UGGT1: variants seen among roughly 807,000 people sequenced by gnomAD.
The protein encoded by UGGT1 is UDP-glucose glycoprotein glucosyltransferase 1.
A neutral mutation model predicts 203.9 loss-of-function variants in UGGT1; 107 were observed. That is an observed-to-expected ratio of 0.52 (90% CI 0.45 to 0.62). The LOEUF (loss-of-function observed/expected upper bound fraction) is 0.62. Ranked by LOEUF, UGGT1 falls within the 20% of genes least tolerant of loss-of-function variation. The pLI, the probability that UGGT1 is intolerant of heterozygous loss-of-function variation, is 0.00. For synonymous variants in UGGT1, 628 were observed against 653.5 expected (o/e 0.96, Z 0.59); for missense variants, 1,673 against 1,867.2 (o/e 0.90, Z 1.92).
intron 18 of UGGT1, among the ~76,000 whole-genome samples, chr2:128,147,018 T>C (rs759558955): frequency 1.3e-5 from 2 of 152,176 alleles, no homozygotes; most frequent in East Asian, 3.8e-4. Context: ...CCACCATGTG[T>C]GTCCTAAGGG....
In UGGT1 at chr2:128,168,546, G is replaced by A. The variant is rs115608955; in HGVS notation, c.2922-1742G>A. On this transcript the variant is annotated intron_variant, in intron 26 of 40. Transcript: ENST00000259253. ...AAAAAAAAAGTAAAAGTAGTGGTTA[G>A]TATTGTAACCACATTATAGTATTGT... Among the ~76,000 whole-genome samples the A allele has an allele frequency of 2.1e-3, 322 of 152,324 alleles. 2 individuals carry two copies. The highest frequency in any genetic ancestry group is 7.5e-3 in the African/African-American group (310 of 41,578).
In UGGT1 at chr2:128,179,103, C is replaced by T. The variant is rs60193413; in HGVS notation, c.3815+534C>T. Reference sequence around the variant, plus strand: ...ATGTAGTGGTCACCAGAGGCACTGTCAGGAAGGCCTGAGAGTCACTTTTCT... The same window carrying T: ...ATGTAGTGGTCACCAGAGGCACTGTTAGGAAGGCCTGAGAGTCACTTTTCT... On this transcript the variant is annotated intron_variant, in intron 34 of 40. Transcript: ENST00000259253. Among the ~76,000 whole-genome samples, 624 of 152,094 alleles carry T rather than the reference C, an allele frequency of 4.1e-3. 6 individuals are homozygous for T. Among genetic ancestry groups the T allele is most frequent in the African/African-American group, 0.013 (546 of 41,506 alleles).
chr2:128,155,453 G>A, intron 19 of UGGT1, 36 bp from the exon 20 acceptor site: 1 of 1,467,282 alleles, frequency 6.8e-7, no homozygotes, highest in Non-Finnish European at 9.5e-7. Context: ...AGATTGAACT[G>A]GAACTAATAT....
Position 128,112,454 on chromosome 2 carries a change from T to TTATACATATATATATATATATATA in UGGT1, c.522-626_522-625insCATATATATATATATATATATATA, listed in dbSNP as rs1553433489. ...AAAAAACCCCCCAAAAAATACTATG[T>TTATACATATATATATATATATATA]TATATATATATATATATATTACATA... On this transcript the variant is annotated intron_variant, in intron 5 of 40. Transcript: ENST00000259253. 3.6e-5 allele frequency among the ~76,000 whole-genome samples: 2 copies of TTATACATATATATATATATATATA among 55,810 alleles called. 1 individual carries two copies. The highest frequency in any genetic ancestry group is 7.5e-5 in the Non-Finnish European group (2 of 26,610). The allele number at this position is 55,810 out of a possible 152,430, so 36.6% of individuals were successfully genotyped here. A position where few individuals can be genotyped will look rare whatever the true frequency, so the allele number is the denominator to read the frequency against.
rs867747976 is a variant in UGGT1, at chr2:128,112,434, A to C, written c.522-650A>C. Among the ~76,000 whole-genome samples the C allele has an allele frequency of 2.5e-4, 28 of 113,938 alleles. 1 individual carries two copies. The highest frequency in any genetic ancestry group is 4.1e-3 in the Middle Eastern group (1 of 244). 74.7% of individuals were successfully genotyped at this position (113,938 alleles called of 152,430 possible). Reference sequence around the variant, plus strand: ...AAACTCCATCTCCAAAAAAAAAAAAACCCCCCAAAAAATACTATGTTATAT... The same window carrying C: ...AAACTCCATCTCCAAAAAAAAAAAACCCCCCCAAAAAATACTATGTTATAT... On this transcript the variant is annotated intron_variant, in intron 5 of 40. Transcript: ENST00000259253.
At chr2:128,136,220 T>TAG (rs1386297207) in intron 15 of UGGT1, among the ~76,000 whole-genome samples, 99 of 152,330 alleles carry the variant, frequency 6.5e-4, no homozygotes, top group African/African-American at 2.2e-3. Context: ...TATTGATACA[T>TAG]TATTATTAAC....
chr2:128,179,679 T>G, intron 34 of UGGT1, 107 bp from the exon 35 acceptor site: 1 of 891,672 alleles, frequency 1.1e-6, no homozygotes, highest in Non-Finnish European at 1.7e-6. Context: ...AGCCATTAGT[T>G]AGCTCTGCCG....
intron 18 of UGGT1, among the ~76,000 whole-genome samples, chr2:128,148,665 G>A (rs536125283): frequency 1.3e-5 from 2 of 152,122 alleles, no homozygotes; most frequent in South Asian, 2.1e-4. Context: ...GGGCATTCAC[G>A]TACCCCTGGG....
At position 128,187,003 on chromosome 2, in the gene UGGT1, G is replaced by T. The variant is rs566450599; in HGVS notation, c.4476+204G>T. Among the ~76,000 whole-genome samples, 10 of 152,064 alleles carry T rather than the reference G, an allele frequency of 6.6e-5. No individual in the cohort carries two copies. The East Asian group carries it at 1.9e-3, about 29-fold the overall frequency. On this transcript the variant is annotated intron_variant, in intron 39 of 40. Coordinates refer to ENST00000259253, the MANE Select transcript of UGGT1 (RefSeq NM_020120.4). ...ATTCTTATCTTATAGAATTAGTATC[G>T]TTTGTTGTATAGTAAGCATAAGTAT...
At chr2:128,095,048 C>G (rs1322099829) in intron 1 of UGGT1, among the ~76,000 whole-genome samples, 1 of 152,110 alleles carries the variant, frequency 6.6e-6, no homozygotes, top group Admixed American at 6.5e-5. Flanking sequence ...TGCGCTGGGC[C>G]AGTCCCAAGA....
rs75123065 is a variant in UGGT1 at position 128,164,663 on chromosome 2, T to C, written c.2826-67T>C. ...GAATTCAGTATTTGGGCTGATGATATGTTTGGCAATAATTGGAAAACTTTC... is the reference window on the plus strand; with the variant it reads ...GAATTCAGTATTTGGGCTGATGATACGTTTGGCAATAATTGGAAAACTTTC... On this transcript the variant is annotated intron_variant, in intron 25 of 40. Transcript: ENST00000259253. 1.8e-3 allele frequency: 2,327 copies of C among 1,319,230 alleles called. 49 individuals carry two copies. The East Asian group carries it at 0.036, about 20-fold the overall frequency. The allele number at this position is 1,319,230 out of a possible 1,614,324, so 81.7% of individuals were successfully genotyped here.
Position 128,113,210 on chromosome 2 carries a change from A to T in UGGT1, c.648A>T (p.Ser216=). 6.2e-7 allele frequency: 1 copy of T among 1,612,804 alleles called. No homozygotes were observed. ...CCAATTTTCACCGCCAGCTTATATC[A>T]AAAAGCAATGCAGGCAAAATCAATT... ...EFSNFHRQLI[S]KSNAGKINYV... Residue 216 remains serine (S), a synonymous_variant, in exon 6 of 41, where the codon TCA becomes TCT. Coordinates refer to ENST00000259253, the MANE Select transcript of UGGT1 (RefSeq NM_020120.4).
chr2:128,183,906 C>A lies in UGGT1; in HGVS notation c.4359+117C>A, dbSNP rs1691836897. 1.7e-5 allele frequency: 9 copies of A among 525,294 alleles called. No homozygotes were observed. The South Asian group carries it at 2.0e-4, about 11-fold the overall frequency. The allele number at this position is 525,294 out of a possible 1,614,324, so 32.5% of individuals were successfully genotyped here. A position where few individuals can be genotyped will look rare whatever the true frequency, so the allele number is the denominator to read the frequency against. ...CTCACAGGATGGCGTCTTGTTTTTT[C>A]ATGGTGTGTGTGTGTGTGTGTGTGT... On this transcript the variant is annotated intron_variant, in intron 38 of 40. Transcript: ENST00000259253.
Position 128,129,095 on chromosome 2 carries a change from C to A in UGGT1, c.1293C>A (p.Gly431=). The A allele has an allele frequency of 6.2e-7, 1 of 1,613,914 alleles. No individual in the cohort carries two copies. Among genetic ancestry groups the A allele is most frequent in the Non-Finnish European group, 8.5e-7 (1 of 1,179,952 alleles). The change falls in exon 13 of 41, where the codon GGC becomes GGA. Residue 431 remains glycine, a synonymous_variant. Transcript: ENST00000259253. ...MEGLHRLGIE[G]LSLHNVLKLN... ...GTCTGCATAGATTGGGAATAGAAGG[C>A]CTTTCTCTGCATAATGTTTTGAAGC...
chr2:128,178,029 CT>C (rs1691484560), intron 33 of UGGT1, 109 bp downstream of exon 33: 1 of 881,216 alleles, frequency 1.1e-6, no homozygotes, highest in African/African-American at 1.7e-5. Flanking sequence ...TCACATTCTA[CT>C]TTGTGCAGCT....
chr2:128,121,065 C>T (rs1452527729), intron 9 of UGGT1, 134 bp from the exon 10 acceptor site: 8 of 777,842 alleles, frequency 1.0e-5, no homozygotes, highest in Non-Finnish European at 1.5e-5. Flanking sequence ...AAATCATGGG[C>T]ACTCTCTGGA....
rs183784358 is a variant in UGGT1 at position 128,185,493 on chromosome 2, A to G, written c.4360-1190A>G. Reference sequence around the variant, plus strand: ...CCTTTTTTTTTTTTTTTTTTTTTTTAGACAAGGTCTCACTCTGTCACCCAG... The same window carrying G: ...CCTTTTTTTTTTTTTTTTTTTTTTTGGACAAGGTCTCACTCTGTCACCCAG... On this transcript the variant is annotated intron_variant, in intron 38 of 40. Transcript: ENST00000259253. Among the ~76,000 whole-genome samples the G allele has an allele frequency of 7.8e-3, 471 of 60,274 alleles. 2 individuals are homozygous for G. The highest frequency in any genetic ancestry group is 0.046 in the African/African-American group (447 of 9,812). The allele number at this position is 60,274 out of a possible 152,430, so 39.5% of individuals were successfully genotyped here.
chr2:128,176,906 T>C lies in UGGT1; in HGVS notation c.3624+8T>C. 6.2e-7 allele frequency: 1 copy of C among 1,612,958 alleles called. No individual in the cohort carries two copies. Among genetic ancestry groups the C allele is most frequent in the Non-Finnish European group, 8.5e-7 (1 of 1,178,984 alleles). On this transcript the variant is annotated splice_region_variant and intron_variant, in intron 32 of 40. Coordinates refer to ENST00000259253, the MANE Select transcript of UGGT1 (RefSeq NM_020120.4). Reference sequence around the variant, plus strand: ...AAAATTATTAAAGTGAAGGTGAGTTTGGTAAAAGTAGTGGCATTCTGTTAT... The same window carrying C: ...AAAATTATTAAAGTGAAGGTGAGTTCGGTAAAAGTAGTGGCATTCTGTTAT...
At chr2:128,179,607 A>T (rs192938561) in intron 34 of UGGT1, among the ~76,000 whole-genome samples, 179 bp from the exon 35 acceptor site, 1 of 152,234 alleles carries the variant, frequency 6.6e-6, no homozygotes, top group Non-Finnish European at 1.5e-5. Flanking sequence ...TGATAACTTC[A>T]TAAGTTGGAG....
Sources: allele counts gnomAD v4.1 joint callset (sites outside exome capture counted in the v4.1 genomes callset), GRCh38; gene constraint gnomAD v4.1.1; transcripts MANE v1.5; gene names NCBI Gene and HGNC (gene_info 2026-07-23, HGNC 2026-07-21).